The following FBLN2 variants were observed in gnomAD, a reference collection of about 807,000 sequenced individuals.
The protein encoded by FBLN2 is fibulin 2.
A neutral mutation model predicts 123.7 loss-of-function variants in FBLN2; 81 were observed. The ratio of observed to expected loss-of-function variants is 0.65; its 90% CI spans 0.55 to 0.79. The LOEUF is 0.79. Ranked by LOEUF, FBLN2 falls within the 30% of genes least tolerant of loss-of-function variation. The pLI is 0.00. For missense variants in FBLN2, 1,603 were observed against 1,681.3 expected (o/e 0.95, Z 0.81); for synonymous variants, 699 against 701.4 (o/e 1.00, Z 0.05).
chr3:13,612,283 T>TATTTTC (rs1705415785), intron 4 of FBLN2, among the ~76,000 whole-genome samples: 1 of 123,556 alleles, frequency 8.1e-6, no homozygotes, highest in African/African-American at 3.6e-5. Flanking sequence ...CCTTTTCTTT[T>TATTTTC]CTTTTATTTT....
At chr3:13,551,175 C>T (rs564188719) in intron 1 of FBLN2, among the ~76,000 whole-genome samples, 3 of 152,186 alleles carry the variant, frequency 2.0e-5, no homozygotes, top group Admixed American at 1.3e-4. Context: ...CTCCATTGCC[C>T]GCCTCAAGCA....
intron 8 of FBLN2, among the ~76,000 whole-genome samples, chr3:13,620,745 G>A (rs1258543023): frequency 6.6e-6 from 1 of 152,238 alleles, no homozygotes; most frequent in East Asian, 1.9e-4. Flanking sequence ...ACCCTGGTGG[G>A]TGTCTGGGGG....
intron 4 of FBLN2, among the ~76,000 whole-genome samples, chr3:13,611,486 T>A (rs1024332328): frequency 4.6e-5 from 7 of 152,228 alleles, no homozygotes; most frequent in Non-Finnish European, 8.8e-5. Flanking sequence ...TCTGTGGGTT[T>A]GACTCCTCTA....
chr3:13,624,356 A>T (rs1365552123), intron 9 of FBLN2, among the ~76,000 whole-genome samples: 1 of 122,848 alleles, frequency 8.1e-6, no homozygotes, highest in East Asian at 3.5e-4. Context: ...TAATTCCTCC[A>T]GGCTGTGGGA....
intron 8 of FBLN2, among the ~76,000 whole-genome samples, chr3:13,620,994 C>G (rs1220525128): frequency 6.6e-6 from 1 of 152,270 alleles, no homozygotes; most frequent in African/African-American, 2.4e-5. Context: ...CGCCCCCCAT[C>G]TCCCAGGGCC....
At chr3:13,571,688 G>A (rs1043951825) in intron 2 of FBLN2, 27 bp downstream of exon 2, 1 of 1,513,996 alleles carries the variant, frequency 6.6e-7, no homozygotes, top group Non-Finnish European at 8.9e-7. Flanking sequence ...GTTCCTTCAG[G>A]GCACTTTGTG....
chr3:13,637,815 C>T lies in FBLN2; in HGVS notation c.3592C>T (p.Pro1198Ser). The change falls in exon 18 of 18, where the codon CCC becomes TCC. Residue 1198 changes from proline (P) to serine (S), a missense_variant. Transcript: ENST00000404922. ...VVYLQRAVLE[P>S]RDFALDVEMK... The stretch of plus-strand genomic sequence containing the variant: ...CTACCTGCAGCGGGCCGTGCTGGAG[C>T]CCCGGGACTTTGCCCTGGACGTGGA... The T allele has an allele frequency of 6.2e-7, 1 of 1,613,808 alleles. No homozygotes were observed. Among genetic ancestry groups the T allele is most frequent in the Non-Finnish European group, 8.5e-7 (1 of 1,179,760 alleles).
chr3:13,608,143 C>T lies in FBLN2; in HGVS notation c.1388C>T (p.Pro463Leu). ...GACAATGACGAGTGCCTGGAGATCC[C>T]TGAGAGTGGCACTGAGGACAACGTC... Reference protein sequence around the residue: ...AIDNDECLEIPESGTEDNVCR... With the variant: ...AIDNDECLEILESGTEDNVCR... Residue 463 changes from proline to leucine, a missense_variant, in exon 3 of 18, where the codon CCT (proline) becomes CTT (leucine). Pro to Leu is a moderately conservative substitution (Grantham distance 98). Transcript: ENST00000404922. 6.3e-7 allele frequency: 1 copy of T among 1,595,696 alleles called. No homozygotes were observed. The highest frequency in any genetic ancestry group is 1.3e-5 in the African/African-American group (1 of 74,656).
intron 2 of FBLN2, among the ~76,000 whole-genome samples, chr3:13,584,498 T>TCCC (rs1282447492): frequency 6.6e-6 from 1 of 152,130 alleles, no homozygotes. Flanking sequence ...GACCTGCAGG[T>TCCC]TACTGTGCAG....
intron 2 of FBLN2, among the ~76,000 whole-genome samples, chr3:13,588,212 G>C (rs1359993560): frequency 1.3e-5 from 2 of 152,214 alleles, no homozygotes; most frequent in Non-Finnish European, 2.9e-5. Context: ...CCAGTTGCCT[G>C]TAGTACTCAG....
intron 10 of FBLN2, among the ~76,000 whole-genome samples, chr3:13,627,179 C>T (rs4684967): frequency 0.67 from 102,189 of 151,644 alleles, 34,862 homozygotes; most frequent in East Asian, 0.98. Context: ...GAGGAGGTGA[C>T]GTTGGAGTTG....
intron 4 of FBLN2, among the ~76,000 whole-genome samples, chr3:13,612,364 GTCTGTCTC>G (rs1447529481): frequency 1.4e-5 from 1 of 73,564 alleles, no homozygotes; most frequent in African/African-American, 1.0e-4. Flanking sequence ...CTTTCTGTCT[GTCTGTCTC>G]TCTGTCTGTC....
chr3:13,594,959 G>C (rs1424578099), intron 2 of FBLN2, among the ~76,000 whole-genome samples: 2 of 152,212 alleles, frequency 1.3e-5, no homozygotes, highest in African/African-American at 4.8e-5. Context: ...CTTGGCTCAG[G>C]AGCCTGCACT....
intron 15 of FBLN2, 124 bp from the exon 16 acceptor site, chr3:13,631,205 C>T: frequency 8.2e-7 from 1 of 1,222,502 alleles, no homozygotes; most frequent in Non-Finnish European, 1.1e-6. Flanking sequence ...TCTCTCAGTC[C>T]ACTTGTCTTC....
intron 2 of FBLN2, among the ~76,000 whole-genome samples, chr3:13,602,945 C>G (rs1346868983): frequency 2.0e-5 from 3 of 147,296 alleles, no homozygotes; most frequent in Non-Finnish European, 4.5e-5. Flanking sequence ...GAGTCTTGCT[C>G]TGTCGCCCAG....
intron 14 of FBLN2, 60 bp downstream of exon 14, chr3:13,630,005 C>T (rs539264512): frequency 4.5e-5 from 72 of 1,591,902 alleles, no homozygotes; most frequent in Admixed American, 6.9e-5. Flanking sequence ...GCAGACCCGC[C>T]GTGGAAGGCC....
At chr3:13,555,963 G>A (rs1273314061) in intron 1 of FBLN2, among the ~76,000 whole-genome samples, 1 of 152,186 alleles carries the variant, frequency 6.6e-6, no homozygotes, top group Non-Finnish European at 1.5e-5. Flanking sequence ...GTCCCCTGTG[G>A]TAGGGGCGTC....
At position 13,629,098 on chromosome 3, in the gene FBLN2, C is replaced by T. The variant is rs766604705; in HGVS notation, c.2713+50C>T. 2.0e-5 allele frequency: 32 copies of T among 1,612,750 alleles called. No homozygotes were observed. The African/African-American group carries it at 3.3e-4, about 17-fold the overall frequency. ...CCAGCCAGCCCGGCCTGCCCGCTTCCCCACCCCTGGGAGGTGTGTGTGGAG... is the reference window on the plus strand; with the variant it reads ...CCAGCCAGCCCGGCCTGCCCGCTTCTCCACCCCTGGGAGGTGTGTGTGGAG... On this transcript the variant is annotated intron_variant, in intron 12 of 17. Coordinates refer to ENST00000404922, the MANE Select transcript of FBLN2 (RefSeq NM_001004019.2).
At chr3:13,592,541 A>C (rs1408010103) in intron 2 of FBLN2, among the ~76,000 whole-genome samples, 1 of 152,106 alleles carries the variant, frequency 6.6e-6, no homozygotes, top group Admixed American at 6.5e-5. Flanking sequence ...TAGCATCTCA[A>C]TTGGTATTGT....
Sources: allele counts gnomAD v4.1 joint callset (sites outside exome capture counted in the v4.1 genomes callset), GRCh38; gene constraint gnomAD v4.1.1; transcripts MANE v1.5; gene names NCBI Gene and HGNC (gene_info 2026-07-23, HGNC 2026-07-21).